EIF5A: variants seen among roughly 807,000 people sequenced by gnomAD.
EIF5A encodes eukaryotic translation initiation factor 5A-1.
In EIF5A, 1 loss-of-function variant was observed where a neutral mutation model predicts 16.6. That is an observed-to-expected ratio of 0.06 (90% CI 0.02 to 0.28). The LOEUF is 0.28. EIF5A is among the 10% of genes least tolerant of loss of function. The pLI, the probability that EIF5A is intolerant of heterozygous loss-of-function variation, is 1.00. For missense variants in EIF5A, 29 were observed against 196.1 expected (o/e 0.15, Z 5.09); for synonymous variants, 80 against 73.6 (o/e 1.09, Z -0.44).
chr17:7,311,833 T>A lies in EIF5A; in HGVS notation c.*23T>A. The stretch of plus-strand genomic sequence containing the variant: ...TCTCTCCTACCTAGGGTGGCGGTGG[T>A]GGCAGCAGTGATCCTCTGAACCTGC... On this transcript the variant is annotated 3_prime_UTR_variant, in exon 6 of 6. Transcript: ENST00000336458. The A allele has an allele frequency of 1.2e-6, 1 of 848,040 alleles. No individual in the cohort carries two copies. The highest frequency in any genetic ancestry group is 1.9e-6 in the Non-Finnish European group (1 of 538,362). 52.5% of individuals were successfully genotyped at this position (848,040 alleles called of 1,614,324 possible). A position where few individuals can be genotyped will look rare whatever the true frequency, so the allele number is the denominator to read the frequency against.
At chr17:7,307,499 A>C (rs1292229094), upstream of EIF5A, 2 of 922,712 alleles carry the variant, frequency 2.2e-6, no homozygotes, top group African/African-American at 4.5e-5. Context: ...GGTCGGTGGG[A>C]GGGAGGGTGG....
intron 5 of EIF5A, 71 bp from the exon 6 acceptor site, chr17:7,311,751 C>G: frequency 6.9e-7 from 1 of 1,450,878 alleles, no homozygotes; most frequent in Non-Finnish European, 9.5e-7. Context: ...TGCCCCTAGC[C>G]TGGCTCTGTC....
chr17:7,312,216 CT>C lies in EIF5A; in HGVS notation c.*407del, dbSNP rs1414594517. ...CATCCCTGGTCTGGTCCCCTGTTGC[CT>C]ATAGCCCTTTACCCTGAGCACCACC... On this transcript the variant is annotated 3_prime_UTR_variant, in exon 6 of 6. Coordinates refer to ENST00000336458, the MANE Select transcript of EIF5A (RefSeq NM_001970.5). 2 of 175,094 alleles carry C rather than the reference CT, an allele frequency of 1.1e-5. No homozygotes were observed. Among genetic ancestry groups the C allele is most frequent in the Non-Finnish European group, 2.7e-5 (2 of 73,846 alleles). The allele number at this position is 175,094 out of a possible 1,614,324, so 10.8% of individuals were successfully genotyped here. A position where few individuals can be genotyped will look rare whatever the true frequency, so the allele number is the denominator to read the frequency against.
Position 7,311,471 on chromosome 17 carries a change from A to G in EIF5A, c.392A>G (p.Glu131Gly), listed in dbSNP as rs1179558162. 1 of 1,614,036 alleles carries G rather than the reference A, an allele frequency of 6.2e-7. No homozygotes were observed. Among genetic ancestry groups the G allele is most frequent in the Admixed American group, 1.7e-5 (1 of 60,010 alleles). Residue 131 changes from glutamate to glycine, a missense_variant, in exon 4 of 6, where the codon GAA becomes GGA. Physicochemically the swap from Glu to Gly is moderately conservative, Grantham distance 98. Coordinates refer to ENST00000336458, the MANE Select transcript of EIF5A (RefSeq NM_001970.5). ...ATTGAGCAGAAGTACGACTGTGGAG[A>G]AGAGATCCTGGTATGGTGCCTCCCT... ...KEIEQKYDCG[E>G]EILITVLSAM... is the part of the protein sequence containing the mutation.
intron 3 of EIF5A, 23 bp from the exon 4 acceptor site, chr17:7,311,327 C>T (rs2072821663): frequency 4.3e-6 from 7 of 1,613,974 alleles, no homozygotes; most frequent in South Asian, 2.2e-5. Flanking sequence ...CTACCTTCAG[C>T]CTCCTTCCCT....
upstream of EIF5A, chr17:7,307,349 C>T: frequency 8.1e-7 from 1 of 1,230,532 alleles, no homozygotes; most frequent in East Asian, 3.1e-5. Flanking sequence ...AAGGACTGCC[C>T]GGTAGGACGA....
At chr17:7,309,068 G>T (rs1197838152) in intron 1 of EIF5A, among the ~76,000 whole-genome samples, 1 of 152,092 alleles carries the variant, frequency 6.6e-6, no homozygotes, top group Non-Finnish European at 1.5e-5. Context: ...ATGTTGGCGA[G>T]GCGGGAATCC....
Position 7,309,797 on chromosome 17 carries a change from C to T in EIF5A, c.162C>T (p.Ala54=), listed in dbSNP as rs1422484649. The T allele has an allele frequency of 6.2e-7, 1 of 1,614,238 alleles. No homozygotes were observed. The highest frequency in any genetic ancestry group is 1.7e-5 in the Admixed American group (1 of 60,028). ...STSKTGKHGH[A]KVHLVGIDIF... is the part of the protein sequence containing the mutation. ...CGAAGACTGGCAAGCACGGCCACGCCAAGGTTAGAATTTCACCTCCGCATC... is the reference window on the plus strand; with the variant it reads ...CGAAGACTGGCAAGCACGGCCACGCTAAGGTTAGAATTTCACCTCCGCATC... The change falls in exon 2 of 6, where the codon GCC becomes GCT. Residue 54 remains alanine (A), a synonymous_variant. Transcript: ENST00000336458.
intron 1 of EIF5A, chr17:7,308,345 G>C: frequency 8.5e-7 from 1 of 1,173,834 alleles, no homozygotes; most frequent in South Asian, 1.6e-5. Flanking sequence ...CCCGGCCACC[G>C]GAAGCCCGGA....
At chr17:7,308,323 CT>C (rs2072695606) in intron 1 of EIF5A, 4 of 1,163,214 alleles carry the variant, frequency 3.4e-6, no homozygotes, top group Non-Finnish European at 4.3e-6. Flanking sequence ...GCGGGGACCC[CT>C]CCCCCCAGGT....
At position 7,307,721 on chromosome 17, in the gene EIF5A, C is replaced by T. The variant is rs2072667162; in HGVS notation, c.-53C>T. The stretch of plus-strand genomic sequence containing the variant: ...AGGCAGCGGTTGGGCTCGCGGCGAG[C>T]GGACGGGGTCGAGTCAGTGCGTTCG... On this transcript the variant is annotated 5_prime_UTR_variant, in exon 1 of 6. Transcript: ENST00000336458. 3.9e-6 allele frequency: 4 copies of T among 1,033,718 alleles called. No individual in the cohort carries two copies. In the South Asian group the frequency reaches 9.6e-5, roughly 25 times the overall value. The allele number at this position is 1,033,718 out of a possible 1,614,324, so 64.0% of individuals were successfully genotyped here.
rs766260612 is a variant in EIF5A at position 7,311,346 on chromosome 17, C to G, written c.271-4C>G. On this transcript the variant is annotated splice_region_variant and splice_polypyrimidine_tract_variant and intron_variant, in intron 3 of 5. Coordinates refer to ENST00000336458, the MANE Select transcript of EIF5A (RefSeq NM_001970.5). The stretch of plus-strand genomic sequence containing the variant: ...CTTCAGCCTCCTTCCCTATCTGCCC[C>G]CAGCTGATTGGCATCCAGGATGGGT... 1.2e-6 allele frequency: 2 copies of G among 1,614,040 alleles called. No individual in the cohort carries two copies. The highest frequency in any genetic ancestry group is 2.2e-5 in the South Asian group (2 of 91,074).
In EIF5A at chr17:7,312,214, G is replaced by C. The variant is rs2072852888; in HGVS notation, c.*404G>C. 1 of 167,434 alleles carries C rather than the reference G, an allele frequency of 6.0e-6. No individual in the cohort carries two copies. Among genetic ancestry groups the C allele is most frequent in the Non-Finnish European group, 1.4e-5 (1 of 72,308 alleles). The allele number at this position is 167,434 out of a possible 1,614,324, so 10.4% of individuals were successfully genotyped here. A position where few individuals can be genotyped will look rare whatever the true frequency, so the allele number is the denominator to read the frequency against. On this transcript the variant is annotated 3_prime_UTR_variant, in exon 6 of 6. Coordinates refer to ENST00000336458, the MANE Select transcript of EIF5A (RefSeq NM_001970.5). ...CTCATCCCTGGTCTGGTCCCCTGTT[G>C]CCTATAGCCCTTTACCCTGAGCACC...
At chr17:7,308,503 G>A in intron 1 of EIF5A, 1 of 1,351,208 alleles carries the variant, frequency 7.4e-7, no homozygotes, top group Non-Finnish European at 9.8e-7. Flanking sequence ...GCATATGTTA[G>A]CGCTTCCCAA....
At position 7,311,493 on chromosome 17, in the gene EIF5A, C is replaced by T. The variant is rs868508244; in HGVS notation, c.402+12C>T. 6.2e-7 allele frequency: 1 copy of T among 1,614,128 alleles called. No homozygotes were observed. The highest frequency in any genetic ancestry group is 1.1e-5 in the South Asian group (1 of 91,086). ...GAGAAGAGATCCTGGTATGGTGCCT[C>T]CCTCCCTGCTTCTGTGCTCAGCTTT... On this transcript the variant is annotated intron_variant, in intron 4 of 5. Transcript: ENST00000336458.
chr17:7,307,875 G>C, intron 1 of EIF5A, 123 bp downstream of exon 1: 2 of 983,808 alleles, frequency 2.0e-6, no homozygotes, highest in Non-Finnish European at 2.4e-6. Context: ...GGTTCGGCCA[G>C]AGAGCGGCGC....
intron 1 of EIF5A, 167 bp downstream of exon 1, chr17:7,307,919 T>C: frequency 2.0e-6 from 2 of 980,806 alleles, no homozygotes; most frequent in Non-Finnish European, 2.4e-6. Flanking sequence ...GCGCCCCGGT[T>C]GGCGCGCGGG....
intron 1 of EIF5A, chr17:7,308,420 C>T: frequency 7.7e-7 from 1 of 1,295,360 alleles, no homozygotes; most frequent in Non-Finnish European, 1.0e-6. Context: ...GCGGGGGTTC[C>T]GAGGGGGCCT....
At chr17:7,308,551 T>C (rs1441804698) in intron 1 of EIF5A, 1 of 1,351,644 alleles carries the variant, frequency 7.4e-7, no homozygotes, top group Non-Finnish European at 9.8e-7. Context: ...AAAACCCTCC[T>C]GTGAAGTGTG....
Sources: allele counts gnomAD v4.1 joint callset (sites outside exome capture counted in the v4.1 genomes callset), GRCh38; gene constraint gnomAD v4.1.1; transcripts MANE v1.5; gene names NCBI Gene and HGNC (gene_info 2026-07-23, HGNC 2026-07-21).